The following ABCC1 variants were observed in gnomAD, a reference collection of about 807,000 sequenced individuals.
ABCC1 encodes multidrug resistance-associated protein 1.
ABCC1 carries 83 observed loss-of-function variants against 172.9 expected under a neutral mutation model. That is an observed-to-expected ratio of 0.48 (90% confidence interval 0.40 to 0.58). ABCC1 has a LOEUF of 0.58. ABCC1 is among the 20% of genes least tolerant of loss of function. The probability of loss-of-function intolerance (pLI) is 0.00; values close to 1 mark genes in which losing one functional copy is unlikely to be tolerated. For synonymous variants in ABCC1, 937 were observed against 825.2 expected, an observed-to-expected ratio of 1.14 and a Z score of -2.32; for missense variants, 1,817 against 2,002.7, an observed-to-expected ratio of 0.91 and a Z score of 1.77.
Position 16,012,233 on chromosome 16 carries a change from C to T in ABCC1, c.352-2258C>T, listed in dbSNP as rs184018664. On this transcript the variant is annotated intron_variant, in intron 3 of 30. Transcript: ENST00000399410. ...GTGGTACAGAGAGGAGAAGGACTGGCCCAAGGTCACCTGGTCAGTAAGTGG... is the reference window on the plus strand; with the variant it reads ...GTGGTACAGAGAGGAGAAGGACTGGTCCAAGGTCACCTGGTCAGTAAGTGG... Among the ~76,000 whole-genome samples, 48 of 152,288 alleles carry T rather than the reference C, an allele frequency of 3.2e-4. No individual in the cohort carries two copies. The East Asian group carries it at 8.5e-3, about 27-fold the overall frequency.
At chr16:16,103,580 A>AAAAAAC (rs1296399982) in intron 20 of ABCC1, among the ~76,000 whole-genome samples, 6 of 152,102 alleles carry the variant, frequency 3.9e-5, no homozygotes, top group African/African-American at 1.4e-4. Context: ...ACTCCATCTC[A>AAAAAAC]AAAAACAAAA....
At chr16:16,005,256 T>TG (rs1189049493) in intron 1 of ABCC1, among the ~76,000 whole-genome samples, 1 of 151,726 alleles carries the variant, frequency 6.6e-6, no homozygotes, top group African/African-American at 2.4e-5. Context: ...CGCAGCCAAA[T>TG]GGACAACTGG....
rs1305364505 is a variant in ABCC1 at position 16,076,337 on chromosome 16, A to G, written c.1924A>G (p.Asn642Asp). 4 of 1,612,370 alleles carry G rather than the reference A, an allele frequency of 2.5e-6. No individual in the cohort carries two copies. Among genetic ancestry groups the G allele is most frequent in the Non-Finnish European group, 3.4e-6 (4 of 1,179,320 alleles). Residue 642 changes from asparagine (N) to aspartate (D), a missense_variant, in exon 15 of 31, where the codon AAC becomes GAC. Asn to Asp is a conservative substitution (Grantham distance 23). This residue lies in a region of ABCC1 where 1,412 missense variants were observed against 1,600.3 expected (regional missense o/e 0.88). Coordinates refer to ENST00000399410, the MANE Select transcript of ABCC1 (RefSeq NM_004996.4). ...TCTGTGCTTTGTAGGCGGGGGCACG[A>G]ACAGCATCACCGTGAGGAATGCCAC... ...RRPVKDGGGT[N>D]SITVRNATFT...
intron 5 of ABCC1, 27 bp downstream of exon 5, chr16:16,016,648 G>C (rs756337700): frequency 3.1e-6 from 5 of 1,613,458 alleles, no homozygotes; most frequent in Non-Finnish European, 3.4e-6. Context: ...ATGAGTGTGT[G>C]TGCGTGTGTG....
intron 19 of ABCC1, among the ~76,000 whole-genome samples, chr16:16,094,887 G>T (rs1000583168): frequency 2.1e-5 from 3 of 141,712 alleles, no homozygotes; most frequent in African/African-American, 8.1e-5. Flanking sequence ...GCACGATCTT[G>T]GCTCACTGCA....
chr16:16,105,211 C>G (rs923148903), intron 20 of ABCC1, among the ~76,000 whole-genome samples: 1 of 152,202 alleles, frequency 6.6e-6, no homozygotes, highest in Non-Finnish European at 1.5e-5. Flanking sequence ...AGCCTAAATT[C>G]TAGTGGGAGA....
At chr16:16,028,576 C>T (rs1312597792) in intron 5 of ABCC1, among the ~76,000 whole-genome samples, 1 of 152,102 alleles carries the variant, frequency 6.6e-6, no homozygotes, top group Non-Finnish European at 1.5e-5. Flanking sequence ...TGGGAGTGGG[C>T]AGGAAGGTGT....
rs61731704 is a variant in ABCC1, at chr16:16,102,712, G to A, written c.2730G>A (p.Leu910=). Residue 910 remains leucine, a synonymous_variant, in exon 20 of 31, where the codon CTG becomes CTA. Transcript: ENST00000399410. ...MLVTDSAGKQ[L]QRQLSSSSSY... ...TGACGGACAGTGCAGGGAAGCAACT[G>A]CAGAGGTAAGGGCGGGGAGGAAGGC... 3.8e-6 allele frequency: 6 copies of A among 1,576,222 alleles called. No homozygotes were observed. The highest frequency in any genetic ancestry group is 1.7e-4 in the Middle Eastern group (1 of 5,948).
At chr16:16,069,618 T>G (rs749298177) in intron 13 of ABCC1, among the ~76,000 whole-genome samples, 1 of 151,976 alleles carries the variant, frequency 6.6e-6, no homozygotes, top group Non-Finnish European at 1.5e-5. Context: ...AGTACAAGGC[T>G]GATAGCAGGC....
At chr16:16,028,589 G>C (rs1437260525) in intron 5 of ABCC1, among the ~76,000 whole-genome samples, 2 of 152,050 alleles carry the variant, frequency 1.3e-5, no homozygotes, top group Non-Finnish European at 2.9e-5. Context: ...GAAGGTGTCA[G>C]CTCTTCCGGA....
chr16:16,127,308 G>T (rs1016167941), intron 26 of ABCC1, among the ~76,000 whole-genome samples: 19 of 152,196 alleles, frequency 1.2e-4, no homozygotes, highest in African/African-American at 4.6e-4. Flanking sequence ...CCAGGCTCAA[G>T]TGATTCTCCT....
intron 1 of ABCC1, among the ~76,000 whole-genome samples, chr16:15,968,593 T>C (rs2046298833): frequency 6.6e-6 from 1 of 151,920 alleles, no homozygotes; most frequent in African/African-American, 2.4e-5. Flanking sequence ...GCCAGGCTGG[T>C]CTCAAACTCA....
At position 15,999,003 on chromosome 16, in the gene ABCC1, A is replaced by T. The variant is rs191676117; in HGVS notation, c.49-8813A>T. Among the ~76,000 whole-genome samples the T allele has an allele frequency of 2.2e-3, 335 of 152,098 alleles. 2 individuals are homozygous for T. The highest frequency in any genetic ancestry group is 7.2e-3 in the African/African-American group (299 of 41,504). Reference sequence around the variant, plus strand: ...TGACTTTTAAAAAAATTAAAAAAAAATTTTTATATTTTTTTGAGACGGAGT... The same window carrying T: ...TGACTTTTAAAAAAATTAAAAAAAATTTTTTATATTTTTTTGAGACGGAGT... On this transcript the variant is annotated intron_variant, in intron 1 of 30. Coordinates refer to ENST00000399410, the MANE Select transcript of ABCC1 (RefSeq NM_004996.4).
chr16:16,090,994 G>C (rs957217316), intron 19 of ABCC1, among the ~76,000 whole-genome samples: 1 of 152,132 alleles, frequency 6.6e-6, no homozygotes, highest in African/African-American at 2.4e-5. Flanking sequence ...TGAGGGTTGT[G>C]AGGTGAAGCA....
chr16:16,010,787 A>G (rs1380243442), intron 3 of ABCC1, among the ~76,000 whole-genome samples: 1 of 152,182 alleles, frequency 6.6e-6, no homozygotes, highest in Non-Finnish European at 1.5e-5. Flanking sequence ...AAACCAGGCA[A>G]GAGAGGTTAA....
In ABCC1 at chr16:16,134,511, G is replaced by C; in HGVS notation, c.4125+3G>C. The C allele has an allele frequency of 1.2e-6, 2 of 1,614,098 alleles. No individual in the cohort carries two copies. The highest frequency in any genetic ancestry group is 1.7e-6 in the Non-Finnish European group (2 of 1,180,038). ...TCAAGATCACCATCATCCCCCAGGT[G>C]GGGTCTGGGTGTGGCCCAGGGGGTG... On this transcript the variant is annotated splice_donor_region_variant and intron_variant, in intron 28 of 30. Coordinates refer to ENST00000399410, the MANE Select transcript of ABCC1 (RefSeq NM_004996.4).
intron 19 of ABCC1, 25 bp from the exon 20 acceptor site, chr16:16,102,602 G>GC (rs1485659932): frequency 6.4e-7 from 1 of 1,557,400 alleles, no homozygotes; most frequent in Non-Finnish European, 8.7e-7. Context: ...AACCCCACTT[G>GC]CCCCCTTTGT....
intron 1 of ABCC1, among the ~76,000 whole-genome samples, chr16:15,968,465 G>A (rs1352682256): frequency 6.6e-6 from 1 of 151,948 alleles, no homozygotes; most frequent in East Asian, 1.9e-4. Flanking sequence ...TGGAGTGCAG[G>A]TGGCGTGATC....
chr16:16,109,361 G>A (rs2052286812), intron 21 of ABCC1, among the ~76,000 whole-genome samples: 1 of 152,048 alleles, frequency 6.6e-6, no homozygotes, highest in African/African-American at 2.4e-5. Flanking sequence ...ATTTTTTGTA[G>A]AGACAGGGTC....
Sources: allele counts gnomAD v4.1 joint callset (sites outside exome capture counted in the v4.1 genomes callset), GRCh38; gene constraint gnomAD v4.1.1; regional missense constraint gnomAD v4.1.1; transcripts MANE v1.5; gene names NCBI Gene and HGNC (gene_info 2026-07-23, HGNC 2026-07-21).